The following ARHGEF2 variants were observed in gnomAD, a reference collection of about 807,000 sequenced individuals.
ARHGEF2 encodes rho guanine nucleotide exchange factor 2.
In ARHGEF2, 22 loss-of-function variants were observed where a neutral mutation model predicts 121.0. That is an observed-to-expected ratio of 0.18 (90% CI 0.13 to 0.26). The LOEUF (loss-of-function observed/expected upper bound fraction) is 0.26. Among genes scored for constraint, ARHGEF2 ranks in the 10% least tolerant of loss-of-function variants. The pLI is 1.00. For synonymous variants in ARHGEF2, 487 were observed against 530.0 expected (o/e 0.92, Z 1.11); for missense variants, 907 against 1,336.0 (o/e 0.68, Z 5.01).
At position 155,950,335 on chromosome 1, in the gene ARHGEF2, C is replaced by A. The variant is rs56794580; in HGVS notation, c.2851G>T (p.Gly951Cys). 2,415 of 1,613,694 alleles carry A rather than the reference C, an allele frequency of 1.5e-3. 33 individuals are homozygous for A. The African/African-American group carries it at 0.03, about 20-fold the overall frequency. Residue 951 changes from glycine (G) to cysteine (C), a missense_variant, in exon 21 of 22, where the codon GGT becomes TGT. Around this residue, in one of 2 missense-constraint regions of ARHGEF2, gnomAD observed 432 missense variants for 559.5 expected, o/e 0.77. Coordinates refer to ENST00000361247, the MANE Select transcript of ARHGEF2 (RefSeq NM_001162383.2). This position sits in a 1 kb window ranked among gnomAD's most constrained non-coding sequence, Gnocchi z 5.2. ...SDPDTGSEEE[G>C]SSRLSPPHSP... ...TGGGGCGGAGACAGACGGCTGCTAC[C>A]TTCCTCCTCGCTGCCAGTGTCAGGG... is the stretch of plus-strand genomic sequence containing the variant.
At position 155,962,457 on chromosome 1, in the gene ARHGEF2, A is replaced by G. The variant is rs1440759602; in HGVS notation, c.1101+136T>C. On this transcript the variant is annotated intron_variant, in intron 9 of 21. Coordinates refer to ENST00000361247, the MANE Select transcript of ARHGEF2 (RefSeq NM_001162383.2). This position sits in a 1 kb window ranked among gnomAD's most constrained non-coding sequence, Gnocchi z 5.8. The stretch of plus-strand genomic sequence containing the variant: ...AGCATTCTGAGGGGTTACTGCTGAC[A>G]GGATCTGTGTATGGATGGTCTGCAC... 1.5e-6 allele frequency: 2 copies of G among 1,314,988 alleles called. No homozygotes were observed. The highest frequency in any genetic ancestry group is 2.1e-6 in the Non-Finnish European group (2 of 947,190). The allele number at this position is 1,314,988 out of a possible 1,614,324, so 81.5% of individuals were successfully genotyped here. A position where few individuals can be genotyped will look rare whatever the true frequency, so the allele number is the denominator to read the frequency against.
In ARHGEF2 at chr1:155,978,062, C is replaced by G. The variant is rs1295665414; in HGVS notation, c.63+303G>C. 8.8e-7 allele frequency: 1 copy of G among 1,142,604 alleles called. No homozygotes were observed. The highest frequency in any genetic ancestry group is 1.1e-6 in the Non-Finnish European group (1 of 929,014). 70.8% of individuals were successfully genotyped at this position (1,142,604 alleles called of 1,614,324 possible). A position where few individuals can be genotyped will look rare whatever the true frequency, so the allele number is the denominator to read the frequency against. ...ACACCTCCCTCTTCCCGCTCCGTCC[C>G]TTACCGGAGCAACTTTCTTTCAAGC... On this transcript the variant is annotated intron_variant, in intron 1 of 21. Transcript: ENST00000361247. This position sits in a 1 kb window ranked among gnomAD's most constrained non-coding sequence, Gnocchi z 4.1.
upstream of ARHGEF2, chr1:155,978,710 G>A (rs1681806134): frequency 1.0e-5 from 9 of 871,674 alleles, no homozygotes; most frequent in South Asian, 4.7e-4. The surrounding 1 kb of genome is among the most constrained non-coding windows in gnomAD (Gnocchi z 4.1). Flanking sequence ...AGGGTCCTAG[G>A]ACAGGTTTGA....
intron 13 of ARHGEF2, 123 bp downstream of exon 13, chr1:155,957,590 C>T (rs1217331250): frequency 6.8e-6 from 8 of 1,179,786 alleles, no homozygotes; most frequent in Non-Finnish European, 9.3e-6. Flanking sequence ...TTTTGTCTCT[C>T]CCTCAACCTC....
chr1:155,978,082 T>C lies in ARHGEF2; in HGVS notation c.63+283A>G. 8.5e-7 allele frequency: 1 copy of C among 1,180,870 alleles called. No individual in the cohort carries two copies. The highest frequency in any genetic ancestry group is 1.0e-6 in the Non-Finnish European group (1 of 953,854). The allele number at this position is 1,180,870 out of a possible 1,614,324, so 73.1% of individuals were successfully genotyped here. The stretch of plus-strand genomic sequence containing the variant: ...CGTCCCTTACCGGAGCAACTTTCTT[T>C]CAAGCGGCCTAAAGCACTCGGTCCC... On this transcript the variant is annotated intron_variant, in intron 1 of 21. Transcript: ENST00000361247. The surrounding 1 kb of genome is among the most constrained non-coding windows in gnomAD (Gnocchi z 4.1).
intron 7 of ARHGEF2, among the ~76,000 whole-genome samples, chr1:155,964,167 A>AATATATATATATAT (rs869033599): frequency 6.6e-5 from 6 of 91,206 alleles, no homozygotes; most frequent in African/African-American, 3.0e-4. Flanking sequence ...AAAAAAAAAA[A>AATATATATATATAT]ATATATATAT....
At chr1:155,963,445 G>A (rs1275641834) in intron 7 of ARHGEF2, among the ~76,000 whole-genome samples, 1 of 143,542 alleles carries the variant, frequency 7.0e-6, no homozygotes, top group Non-Finnish European at 1.5e-5. Flanking sequence ...TCCTAGGTTC[G>A]AGCAGTTGTC....
chr1:155,965,837 A>G lies in ARHGEF2; in HGVS notation c.341-77T>C, dbSNP rs370332484. 1 of 1,480,870 alleles carries G rather than the reference A, an allele frequency of 6.8e-7. No individual in the cohort carries two copies. The highest frequency in any genetic ancestry group is 8.9e-7 in the Non-Finnish European group (1 of 1,121,352). 91.7% of individuals were successfully genotyped at this position (1,480,870 alleles called of 1,614,324 possible). A position where few individuals can be genotyped will look rare whatever the true frequency, so the allele number is the denominator to read the frequency against. On this transcript the variant is annotated intron_variant, in intron 4 of 21. Transcript: ENST00000361247. This position sits in a 1 kb window ranked among gnomAD's most constrained non-coding sequence, Gnocchi z 6.0. ...GGATTGAGGCCTCCTAGGCTCCTCAATGAGGAATGAGGCATCCTCTCACTC... is the reference window on the plus strand; with the variant it reads ...GGATTGAGGCCTCCTAGGCTCCTCAGTGAGGAATGAGGCATCCTCTCACTC...
At position 155,970,611 on chromosome 1, in the gene ARHGEF2, G is replaced by A. The variant is rs1018762730; in HGVS notation, c.64-1311C>T. 1.0e-5 allele frequency: 10 copies of A among 985,330 alleles called. No individual in the cohort carries two copies. In the African/African-American group the frequency reaches 1.6e-4, roughly 15 times the overall value. The allele number at this position is 985,330 out of a possible 1,614,324, so 61.0% of individuals were successfully genotyped here. A position where few individuals can be genotyped will look rare whatever the true frequency, so the allele number is the denominator to read the frequency against. On this transcript the variant is annotated intron_variant, in intron 1 of 21. Coordinates refer to ENST00000361247, the MANE Select transcript of ARHGEF2 (RefSeq NM_001162383.2). Reference sequence around the variant, plus strand: ...GGGACAGAGGATTACAGTTCAGCGGGAAGCACTCAGCCCGGACTCTAGGAG... The same window carrying A: ...GGGACAGAGGATTACAGTTCAGCGGAAAGCACTCAGCCCGGACTCTAGGAG...
At position 155,962,267 on chromosome 1, in the gene ARHGEF2, A is replaced by T; in HGVS notation, c.1102-45T>A. 1 of 1,583,060 alleles carries T rather than the reference A, an allele frequency of 6.3e-7. No individual in the cohort carries two copies. Among genetic ancestry groups the T allele is most frequent in the South Asian group, 1.1e-5 (1 of 90,290 alleles). On this transcript the variant is annotated intron_variant, in intron 9 of 21. Coordinates refer to ENST00000361247, the MANE Select transcript of ARHGEF2 (RefSeq NM_001162383.2). This position sits in a 1 kb window ranked among gnomAD's most constrained non-coding sequence, Gnocchi z 5.8. ...GCTCAGGGCCAGAGGGGAGGGCAAC[A>T]GAAAGGCCTGGGGCCTGAGCTCTGG...
At chr1:155,967,324 T>G (rs565180117) in intron 2 of ARHGEF2, among the ~76,000 whole-genome samples, 8 of 152,252 alleles carry the variant, frequency 5.3e-5, no homozygotes, top group African/African-American at 1.9e-4. Context: ...TTCCCTGAGC[T>G]TTTATAATAG....
At position 155,957,722 on chromosome 1, in the gene ARHGEF2, C is replaced by T; in HGVS notation, c.1706G>A (p.Ser569Asn). Residue 569 changes from serine (S) to asparagine (N), a missense_variant, in exon 13 of 22, where the codon AGC (serine) becomes AAC (asparagine). Ser to Asn is a conservative substitution (Grantham distance 46, BLOSUM62 1). Transcript: ENST00000361247. ...GCAGGCAGACACTCACGTGCGCACGCTCTGCTGAATGACCCGGATCCAGGT... is the reference window on the plus strand; with the variant it reads ...GCAGGCAGACACTCACGTGCGCACGTTCTGCTGAATGACCCGGATCCAGGT... ...RSTWIRVIQQ[S>N]VRTCPSREDF... 6.2e-7 allele frequency: 1 copy of T among 1,612,480 alleles called. No homozygotes were observed. Among genetic ancestry groups the T allele is most frequent in the Non-Finnish European group, 8.5e-7 (1 of 1,179,438 alleles).
At chr1:155,964,587 G>A (rs1422229121) in intron 7 of ARHGEF2, among the ~76,000 whole-genome samples, 1 of 152,006 alleles carries the variant, frequency 6.6e-6, no homozygotes, top group African/African-American at 2.4e-5. Context: ...GGTCTTGTAG[G>A]CCAAGAGGGA....
intron 13 of ARHGEF2, among the ~76,000 whole-genome samples, chr1:155,955,879 C>T (rs750850469): frequency 1.3e-5 from 2 of 151,996 alleles, no homozygotes; most frequent in Non-Finnish European, 2.9e-5. Context: ...CCATGCCTGG[C>T]TAAGTTTTAT....
Position 155,961,599 on chromosome 1 carries a change from C to T in ARHGEF2, c.1468+62G>A. The T allele has an allele frequency of 1.3e-6, 2 of 1,568,976 alleles. No individual in the cohort carries two copies. The highest frequency in any genetic ancestry group is 1.7e-6 in the Non-Finnish European group (2 of 1,159,608). The stretch of plus-strand genomic sequence containing the variant: ...CAAGAGAGGTTGATTCTAAGACCTG[C>T]AGGCATCTCCCACTCTCCATCTGAC... On this transcript the variant is annotated intron_variant, in intron 11 of 21. Transcript: ENST00000361247. This position sits in a 1 kb window ranked among gnomAD's most constrained non-coding sequence, Gnocchi z 4.7.
chr1:155,974,855 G>GT (rs1428269667), intron 1 of ARHGEF2, among the ~76,000 whole-genome samples: 2 of 151,644 alleles, frequency 1.3e-5, no homozygotes, highest in Non-Finnish European at 2.9e-5. Flanking sequence ...GAAAGAGAGG[G>GT]GGGGTAAGCG....
intron 1 of ARHGEF2, among the ~76,000 whole-genome samples, chr1:155,975,561 AC>A (rs764774465): frequency 6.6e-6 from 1 of 150,526 alleles, no homozygotes; most frequent in Non-Finnish European, 1.5e-5. Flanking sequence ...CACCAGGAGG[AC>A]CCCCCATTCT....
chr1:155,961,794 G>A lies in ARHGEF2; in HGVS notation c.1335C>T (p.Ile445=). 1 of 1,614,212 alleles carries A rather than the reference G, an allele frequency of 6.2e-7. No individual in the cohort carries two copies. The highest frequency in any genetic ancestry group is 8.5e-7 in the Non-Finnish European group (1 of 1,180,036). Reference sequence around the variant, plus strand: ...GGGCCCGAGGGTCCATGCGGTTGTAGATCTCCTGCAGACGGGCCCCTTTCT... The same window carrying A: ...GGGCCCGAGGGTCCATGCGGTTGTAAATCTCCTGCAGACGGGCCCCTTTCT... ...QLEKGARLQE[I]YNRMDPRAQT... Residue 445 remains isoleucine (I), a synonymous_variant, in exon 11 of 22, where the codon ATC becomes ATT. Transcript: ENST00000361247. The surrounding 1 kb of genome is among the most constrained non-coding windows in gnomAD (Gnocchi z 4.7).
chr1:155,970,563 C>A, intron 1 of ARHGEF2: 1 of 985,530 alleles, frequency 1.0e-6, no homozygotes, highest in South Asian at 4.7e-5. Context: ...GGGTAGAAGC[C>A]CCAAGTCAGA....
Sources: gnomAD v4.1 joint callset for allele counts (sites outside exome capture counted in the v4.1 genomes callset) on GRCh38, gnomAD v4.1.1 for gene constraint, gnomAD v4.1.1 regional missense constraint, Gnocchi (gnomAD v3.1) non-coding constraint, MANE v1.5 for transcripts, NCBI Gene and HGNC (gene_info 2026-07-23, HGNC 2026-07-21) for gene names.